Variants in CAMTA1 observed in about 807,000 individuals in gnomAD.
The protein encoded by CAMTA1 is calmodulin-binding transcription activator 1.
A neutral mutation model predicts 170.9 loss-of-function variants in CAMTA1; 27 were observed. That is an observed-to-expected ratio of 0.16 (90% CI 0.12 to 0.22). CAMTA1 has a LOEUF of 0.22. Ranked by LOEUF, CAMTA1 falls within the 10% of genes least tolerant of loss-of-function variation. The pLI, the probability that CAMTA1 is intolerant of heterozygous loss-of-function variation, is 1.00. For missense variants in CAMTA1, 1,619 were observed against 2,217.2 expected, an observed-to-expected ratio of 0.73 and a Z score of 5.42; for synonymous variants, 833 against 891.5, an observed-to-expected ratio of 0.93 and a Z score of 1.17.
At chr1:6,972,469 G>A (rs1692718249) in intron 3 of CAMTA1, among the ~76,000 whole-genome samples, 1 of 152,166 alleles carries the variant, frequency 6.6e-6, no homozygotes, top group Non-Finnish European at 1.5e-5. Context: ...TCTGTGTGCT[G>A]ATTTCTGCAA....
rs190078318 is a variant in CAMTA1 at position 7,077,314 on chromosome 1, C to G, written c.235-13990C>G. On this transcript the variant is annotated intron_variant, in intron 3 of 22. Coordinates refer to ENST00000303635, the MANE Select transcript of CAMTA1 (RefSeq NM_015215.4). ...TTGCACAGATGGAAAGAAGCAGGCTCTCACACCCTCCTTTCCCACTGGACT... is the reference window on the plus strand; with the variant it reads ...TTGCACAGATGGAAAGAAGCAGGCTGTCACACCCTCCTTTCCCACTGGACT... Among the ~76,000 whole-genome samples the G allele has an allele frequency of 4.3e-3, 642 of 148,984 alleles. 5 individuals carry two copies. Among genetic ancestry groups the G allele is most frequent in the African/African-American group, 0.015 (620 of 40,546 alleles).
At chr1:7,235,602 G>A (rs1264763259) in intron 4 of CAMTA1, among the ~76,000 whole-genome samples, 1 of 152,168 alleles carries the variant, frequency 6.6e-6, no homozygotes, top group Non-Finnish European at 1.5e-5. Context: ...ACTCCACCCT[G>A]GGTGACAAAG....
rs918678171 is a variant in CAMTA1, at chr1:7,356,926, G to A, written c.438+107300G>A. 4.6e-5 allele frequency among the ~76,000 whole-genome samples: 7 copies of A among 152,308 alleles called. No individual in the cohort carries two copies. In the South Asian group the frequency reaches 1.2e-3, roughly 27 times the overall value. On this transcript the variant is annotated intron_variant, in intron 5 of 22. Transcript: ENST00000303635. ...ATATCTATAAAGCCTTGGGCCCGTGGAAGCTGTGGTTCATGTCAGCTGCTG... is the reference window on the plus strand; with the variant it reads ...ATATCTATAAAGCCTTGGGCCCGTGAAAGCTGTGGTTCATGTCAGCTGCTG...
intron 4 of CAMTA1, among the ~76,000 whole-genome samples, chr1:7,183,599 T>C (rs1209577682): frequency 1.3e-5 from 2 of 152,162 alleles, no homozygotes; most frequent in Admixed American, 1.3e-4. Context: ...TAAGTGCTGG[T>C]GCATAATGCA....
intron 11 of CAMTA1, among the ~76,000 whole-genome samples, chr1:7,703,621 T>C (rs2096466527): frequency 6.6e-6 from 1 of 152,208 alleles, no homozygotes; most frequent in South Asian, 2.1e-4. Context: ...GCCCCCAATT[T>C]CGAGACACCT....
chr1:7,354,379 G>T (rs1413941246), intron 5 of CAMTA1, among the ~76,000 whole-genome samples: 1 of 151,756 alleles, frequency 6.6e-6, no homozygotes, highest in East Asian at 1.9e-4. Context: ...TTGATCTCCC[G>T]ACCTCGTGAT....
intron 5 of CAMTA1, among the ~76,000 whole-genome samples, chr1:7,336,206 C>CTGA (rs2083374812): frequency 6.6e-6 from 1 of 152,176 alleles, no homozygotes; most frequent in Non-Finnish European, 1.5e-5. Flanking sequence ...ACCTGGTCCC[C>CTGA]CATGAAGCCC....
chr1:6,906,205 C>T (rs1332532485), intron 3 of CAMTA1, among the ~76,000 whole-genome samples: 7 of 152,212 alleles, frequency 4.6e-5, no homozygotes, highest in Non-Finnish European at 1.0e-4. Context: ...TCCTCCTCCT[C>T]CTGGCAAGAT....
intron 4 of CAMTA1, among the ~76,000 whole-genome samples, chr1:7,201,834 T>C (rs957729810): frequency 2.0e-5 from 2 of 101,736 alleles, no homozygotes; most frequent in African/African-American, 9.9e-5. Context: ...ATCCTATTCT[T>C]CCACAGTTTC....
At chr1:7,278,446 C>T (rs1342775410) in intron 5 of CAMTA1, among the ~76,000 whole-genome samples, 1 of 152,128 alleles carries the variant, frequency 6.6e-6, no homozygotes, top group Non-Finnish European at 1.5e-5. Context: ...TTATTAACTA[C>T]AACAATAAAA....
intron 3 of CAMTA1, among the ~76,000 whole-genome samples, chr1:7,025,011 C>A (rs560780692): frequency 6.6e-6 from 1 of 152,160 alleles, no homozygotes; most frequent in Non-Finnish European, 1.5e-5. Context: ...TGGGGTGACT[C>A]CCTAAGACTA....
chr1:6,973,290 A>G (rs1692859819), intron 3 of CAMTA1, among the ~76,000 whole-genome samples: 1 of 152,138 alleles, frequency 6.6e-6, no homozygotes, highest in Non-Finnish European at 1.5e-5. Flanking sequence ...TTCCTCCCCC[A>G]TCTAGCTCCT....
intron 5 of CAMTA1, among the ~76,000 whole-genome samples, chr1:7,381,375 A>G (rs867059282): frequency 6.0e-5 from 9 of 149,280 alleles, no homozygotes; most frequent in Admixed American, 4.1e-4. Context: ...TCATTGTTCA[A>G]TTCCCACCTA....
intron 6 of CAMTA1, among the ~76,000 whole-genome samples, chr1:7,601,155 A>G (rs1213318243): frequency 0.029 from 3,090 of 107,012 alleles, 103 homozygotes; most frequent in African/African-American, 0.1. Context: ...CTGGCCGGGC[A>G]GGGGGCTGAC....
chr1:7,749,105 G>A (rs1470422572), intron 19 of CAMTA1, among the ~76,000 whole-genome samples: 2 of 152,172 alleles, frequency 1.3e-5, no homozygotes, highest in Admixed American at 1.3e-4. Flanking sequence ...ATAAAATTCA[G>A]GCCTGTCAGT....
chr1:7,755,500 C>T, intron 21 of CAMTA1, 138 bp from the exon 22 acceptor site: 1 of 707,012 alleles, frequency 1.4e-6, no homozygotes, highest in Non-Finnish European at 2.5e-6. Context: ...TCACGTACCC[C>T]ACCATCACTC....
At position 6,825,204 on chromosome 1, in the gene CAMTA1, T is replaced by C; in HGVS notation, c.228T>C (p.Thr76=). ...CAAAAGAGAGGCACCGCTGGAACAC[T>C]AATGAGGTAGATAAGTTTCTTTTTT... ...SLPKERHRWN[T]NEEIAAYLIT... is the part of the protein sequence containing the mutation. The change falls in exon 3 of 23, where the codon ACT becomes ACC. Residue 76 remains threonine (T), a synonymous_variant. Coordinates refer to ENST00000303635, the MANE Select transcript of CAMTA1 (RefSeq NM_015215.4). The C allele has an allele frequency of 6.4e-7, 1 of 1,565,548 alleles. No homozygotes were observed. Among genetic ancestry groups the C allele is most frequent in the Non-Finnish European group, 8.7e-7 (1 of 1,152,420 alleles).
intron 1 of CAMTA1, among the ~76,000 whole-genome samples, chr1:6,793,896 G>A (rs1641818947): frequency 1.3e-5 from 2 of 152,140 alleles, no homozygotes; most frequent in Non-Finnish European, 2.9e-5. Flanking sequence ...CATTTCTGAG[G>A]ATATATGTGC....
intron 3 of CAMTA1, among the ~76,000 whole-genome samples, chr1:6,908,533 A>G (rs1016637849): frequency 6.6e-6 from 1 of 152,246 alleles, no homozygotes; most frequent in African/African-American, 2.4e-5. Flanking sequence ...TCTACTGTCA[A>G]CTGGAGGCTC....
Sources: gnomAD v4.1 joint callset for allele counts (sites outside exome capture counted in the v4.1 genomes callset) on GRCh38, gnomAD v4.1.1 for gene constraint, MANE v1.5 for transcripts, NCBI Gene and HGNC (gene_info 2026-07-23, HGNC 2026-07-21) for gene names.